ALK: variants seen among roughly 807,000 people sequenced by gnomAD.
The protein encoded by ALK is ALK receptor tyrosine kinase, also known as ALK tyrosine kinase receptor.
A neutral mutation model predicts 163.1 loss-of-function variants in ALK; 74 were observed. The ratio of observed to expected loss-of-function variants is 0.45; its 90% CI spans 0.38 to 0.55. ALK has a LOEUF of 0.55. ALK is among the 20% of genes least tolerant of loss of function. The pLI is 0.00. For missense variants in ALK, 2,063 were observed against 2,105.3 expected, an observed-to-expected ratio of 0.98 and a Z score of 0.39; for synonymous variants, 960 against 843.2, an observed-to-expected ratio of 1.14 and a Z score of -2.40.
chr2:29,824,741 AT>A (rs1233107789), intron 1 of ALK, among the ~76,000 whole-genome samples: 1 of 152,152 alleles, frequency 6.6e-6, no homozygotes, highest in Admixed American at 6.6e-5. Flanking sequence ...CTTGCTTTTG[AT>A]TTTACAGGCT....
At chr2:29,683,459 T>C (rs7602373) in intron 3 of ALK, among the ~76,000 whole-genome samples, 1,581 of 152,106 alleles carry the variant, frequency 0.01, 26 homozygotes, top group African/African-American at 0.037. Flanking sequence ...AAGCAAGATG[T>C]AGAAAATTCA....
Position 29,277,290 on chromosome 2 carries a change from G to T in ALK, c.1818-1794C>A, listed in dbSNP as rs571316280. On this transcript the variant is annotated intron_variant, in intron 9 of 28. Coordinates refer to ENST00000389048, the MANE Select transcript of ALK (RefSeq NM_004304.5). ...ACAGCAGGGGTTGGAAGCTCCCGTT[G>T]CGCCTGTGTGCAGATGATCTCTGAT... 2.0e-5 allele frequency among the ~76,000 whole-genome samples: 3 copies of T among 152,242 alleles called. No individual in the cohort carries two copies. In the East Asian group the frequency reaches 5.8e-4, roughly 29 times the overall value.
chr2:29,631,979 G>A (rs1676389955), intron 3 of ALK, among the ~76,000 whole-genome samples: 1 of 152,212 alleles, frequency 6.6e-6, no homozygotes, highest in Non-Finnish European at 1.5e-5. Flanking sequence ...AGGCAGAATA[G>A]GGATTGCTTC....
intron 1 of ALK, among the ~76,000 whole-genome samples, chr2:29,885,616 A>C (rs911880253): frequency 2.0e-4 from 30 of 152,030 alleles, no homozygotes; most frequent in African/African-American, 7.0e-4. Flanking sequence ...GTGTTGGAGA[A>C]GTTCAAGAGC....
chr2:29,501,522 G>C (rs996021135), intron 4 of ALK, among the ~76,000 whole-genome samples: 2 of 152,108 alleles, frequency 1.3e-5, no homozygotes, highest in African/African-American at 4.8e-5. Flanking sequence ...ATGCCCAGGG[G>C]GTGTCCTTAG....
intron 4 of ALK, among the ~76,000 whole-genome samples, chr2:29,410,088 A>G (rs1669691945): frequency 6.6e-6 from 1 of 152,242 alleles, no homozygotes; most frequent in Non-Finnish European, 1.5e-5. Context: ...GATACATCCA[A>G]GAGCTGCATC....
intron 1 of ALK, among the ~76,000 whole-genome samples, chr2:29,880,442 G>C (rs1666827593): frequency 6.6e-6 from 1 of 152,082 alleles, no homozygotes; most frequent in Non-Finnish European, 1.5e-5. Context: ...AATGTTGGGG[G>C]GTCACAGATC....
chr2:29,503,075 T>A (rs1230387393), intron 4 of ALK, among the ~76,000 whole-genome samples: 8 of 152,234 alleles, frequency 5.3e-5, no homozygotes. Context: ...GTCTTCGCAG[T>A]TGTAACTCAA....
At chr2:29,328,286 G>A in intron 6 of ALK, 64 bp downstream of exon 6, 2 of 1,611,690 alleles carry the variant, frequency 1.2e-6, no homozygotes, top group East Asian at 2.2e-5. Context: ...CTGGGATAAT[G>A]GGGACAACGG....
chr2:29,817,221 T>C (rs1260757827), intron 1 of ALK, among the ~76,000 whole-genome samples: 1 of 116,570 alleles, frequency 8.6e-6, no homozygotes. Context: ...CGGTGGGGTG[T>C]GGGGGATGGG....
At position 29,919,957 on chromosome 2, in the gene ALK, A is replaced by T. The variant is rs780861122; in HGVS notation, c.667+36T>A. On this transcript the variant is annotated intron_variant, in intron 1 of 28. Coordinates refer to ENST00000389048, the MANE Select transcript of ALK (RefSeq NM_004304.5). ...GTTGCATATCAATGTGACTAAAAACACTAAATCCCGGCACACTCAGGCGGG... is the reference window on the plus strand; with the variant it reads ...GTTGCATATCAATGTGACTAAAAACTCTAAATCCCGGCACACTCAGGCGGG... 3 of 1,608,530 alleles carry T rather than the reference A, an allele frequency of 1.9e-6. No individual in the cohort carries two copies. The Admixed American group carries it at 5.0e-5, about 27-fold the overall frequency.
intron 3 of ALK, among the ~76,000 whole-genome samples, chr2:29,672,043 C>T (rs997205783): frequency 1.5e-5 from 2 of 135,792 alleles, no homozygotes; most frequent in African/African-American, 5.5e-5. Context: ...TACATGCTTC[C>T]AGGACATTTT....
intron 1 of ALK, among the ~76,000 whole-genome samples, chr2:29,812,469 G>C (rs991193733): frequency 6.6e-6 from 1 of 152,024 alleles, no homozygotes; most frequent in African/African-American, 2.4e-5. Flanking sequence ...CCTGAGAGGA[G>C]GGAAATAAGG....
intron 1 of ALK, among the ~76,000 whole-genome samples, chr2:29,813,110 C>A (rs1664798596): frequency 6.6e-6 from 1 of 152,148 alleles, no homozygotes; most frequent in Non-Finnish European, 1.5e-5. Flanking sequence ...TAGATGAAGA[C>A]ACCATCAAGA....
At chr2:29,279,515 T>G (rs1160266141) in intron 9 of ALK, among the ~76,000 whole-genome samples, 1 of 151,656 alleles carries the variant, frequency 6.6e-6, no homozygotes, top group African/African-American at 2.4e-5. Flanking sequence ...GGTCTGTGGG[T>G]GGTAGGTGAT....
chr2:29,806,716 T>A (rs1233565820), intron 1 of ALK, among the ~76,000 whole-genome samples: 1 of 152,094 alleles, frequency 6.6e-6, no homozygotes, highest in East Asian at 1.9e-4. Flanking sequence ...GGTGACACCA[T>A]GAGGAAGTCA....
chr2:29,372,701 GT>G (rs1668666723), intron 5 of ALK, among the ~76,000 whole-genome samples: 1 of 152,154 alleles, frequency 6.6e-6, no homozygotes, highest in East Asian at 1.9e-4. Context: ...TCAAGTCCAC[GT>G]TTTTCTTCTC....
chr2:29,648,641 A>G (rs1054728935), intron 3 of ALK, among the ~76,000 whole-genome samples: 1 of 152,154 alleles, frequency 6.6e-6, no homozygotes, highest in African/African-American at 2.4e-5. Flanking sequence ...TTCATTTAGC[A>G]TCATTATTTC....
rs557976813 is a variant in ALK at position 29,461,653 on chromosome 2, A to C, written c.1154+70262T>G. 5.9e-5 allele frequency among the ~76,000 whole-genome samples: 9 copies of C among 152,308 alleles called. No homozygotes were observed. The East Asian group carries it at 1.2e-3, about 20-fold the overall frequency. ...TTGCTCAGAGAAAAAGATTCCTTTA[A>C]AAATATGCTTGTTGACAATGTACCT... is the stretch of plus-strand genomic sequence containing the variant. On this transcript the variant is annotated intron_variant, in intron 4 of 28. Coordinates refer to ENST00000389048, the MANE Select transcript of ALK (RefSeq NM_004304.5).
Sources: gnomAD v4.1 joint callset for allele counts (sites outside exome capture counted in the v4.1 genomes callset) on GRCh38, gnomAD v4.1.1 for gene constraint, MANE v1.5 for transcripts, NCBI Gene and HGNC (gene_info 2026-07-23, HGNC 2026-07-21) for gene names.